GLE1: variants seen among roughly 807,000 people sequenced by gnomAD.
The protein encoded by GLE1 is mRNA export factor GLE1.
GLE1 carries 78 observed loss-of-function variants against 97.3 expected under a neutral mutation model. The observed-to-expected ratio is 0.80, with a 90% CI of 0.67 to 0.97. GLE1 has a LOEUF of 0.97. GLE1 is among the 50% of genes least tolerant of loss of function. The pLI is 0.00. For synonymous variants in GLE1, 302 were observed against 313.4 expected (o/e 0.96, Z 0.39); for missense variants, 753 against 857.5 (o/e 0.88, Z 1.52).
rs763257279 is a variant in GLE1 at position 128,504,790 on chromosome 9, T to C, written c.-16T>C. On this transcript the variant is annotated 5_prime_UTR_variant, in exon 1 of 16. Coordinates refer to ENST00000309971, the MANE Select transcript of GLE1 (RefSeq NM_001003722.2). ...GTCAGAAGGGGGGCGTCAGAGAAGC[T>C]GCCCCTTAGCCAACCATGCCGTCTG... The C allele has an allele frequency of 3.2e-6, 5 of 1,544,646 alleles. 1 individual carries two copies. Among genetic ancestry groups the C allele is most frequent in the Non-Finnish European group, 4.5e-6 (5 of 1,117,036 alleles).
intron 5 of GLE1, 113 bp downstream of exon 5, chr9:128,523,453 T>G: frequency 7.3e-7 from 1 of 1,377,378 alleles, no homozygotes; most frequent in Non-Finnish European, 1.0e-6. Flanking sequence ...ATTATGCCTG[T>G]GTATGACTAA....
At chr9:128,532,456 C>T (rs1847549117) in intron 9 of GLE1, among the ~76,000 whole-genome samples, 1 of 151,584 alleles carries the variant, frequency 6.6e-6, no homozygotes, top group South Asian at 2.1e-4. Context: ...GAACTCCTGA[C>T]CACAAGTGAT....
intron 3 of GLE1, among the ~76,000 whole-genome samples, chr9:128,518,303 G>T (rs1208725411): frequency 6.6e-6 from 1 of 152,164 alleles, no homozygotes; most frequent in Non-Finnish European, 1.5e-5. Context: ...GCTCACACCT[G>T]TAATCCCAGC....
chr9:128,521,171 T>TTCC (rs1395703006), intron 3 of GLE1, among the ~76,000 whole-genome samples: 2 of 152,184 alleles, frequency 1.3e-5, no homozygotes, highest in Non-Finnish European at 2.9e-5. Flanking sequence ...AATTCTCACT[T>TTCC]TAACAGAGTC....
At chr9:128,514,025 AAAAAAAAG>A (rs1395511353) in intron 2 of GLE1, among the ~76,000 whole-genome samples, 2 of 150,928 alleles carry the variant, frequency 1.3e-5, no homozygotes, top group East Asian at 3.9e-4. Context: ...CTCAAAAAAA[AAAAAAAAG>A]AAAAAGAAAA....
chr9:128,540,179 G>A (rs529937675), intron 14 of GLE1, 96 bp from the exon 15 acceptor site: 15 of 851,634 alleles, frequency 1.8e-5, no homozygotes, highest in African/African-American at 8.3e-5. Flanking sequence ...TCGCACCACC[G>A]CGCTGCACTC....
intron 11 of GLE1, among the ~76,000 whole-genome samples, chr9:128,534,385 A>G (rs1474530600): frequency 1.4e-5 from 2 of 142,546 alleles, no homozygotes; most frequent in African/African-American, 5.0e-5. Flanking sequence ...GAAAGAAAAA[A>G]TATATATACA....
chr9:128,515,301 A>C (rs1417531152), intron 2 of GLE1, among the ~76,000 whole-genome samples: 2 of 152,316 alleles, frequency 1.3e-5, no homozygotes, highest in African/African-American at 4.8e-5. Flanking sequence ...AGAAAAACCC[A>C]AAAAATCACC....
intron 11 of GLE1, among the ~76,000 whole-genome samples, chr9:128,534,739 G>T (rs577125442): frequency 7.3e-4 from 110 of 150,016 alleles, no homozygotes; most frequent in African/African-American, 2.3e-3. Context: ...TTTTTTTTGA[G>T]ACAGCGTCTC....
At chr9:128,520,044 G>C (rs1847094858) in intron 3 of GLE1, among the ~76,000 whole-genome samples, 1 of 152,110 alleles carries the variant, frequency 6.6e-6, no homozygotes, top group Non-Finnish European at 1.5e-5. Context: ...AAGGTCAAGA[G>C]ATCGAGACCA....
At chr9:128,531,742 G>A (rs527504769) in intron 9 of GLE1, among the ~76,000 whole-genome samples, 6 of 140,660 alleles carry the variant, frequency 4.3e-5, no homozygotes, top group East Asian at 2.2e-4. Context: ...TGAGGTGGAA[G>A]AATCACTTGA....
At chr9:128,530,988 G>A (rs976215581) in intron 9 of GLE1, among the ~76,000 whole-genome samples, 11 of 151,364 alleles carry the variant, frequency 7.3e-5, no homozygotes, top group East Asian at 3.9e-4. Context: ...AGGCTGAGGC[G>A]GGTGGATCAC....
intron 3 of GLE1, among the ~76,000 whole-genome samples, chr9:128,520,198 C>T (rs955534483): frequency 4.6e-5 from 7 of 151,602 alleles, no homozygotes; most frequent in South Asian, 2.1e-4. Flanking sequence ...TGCAGTGAGC[C>T]GAGATGGTGC....
At chr9:128,515,784 AGTGAGTGC>A in intron 3 of GLE1, 145 bp downstream of exon 3, 2 of 677,272 alleles carry the variant, frequency 3.0e-6, no homozygotes, top group Non-Finnish European at 5.4e-6. Context: ...AGAGGTCAGG[AGTGAGTGC>A]TCTGAAGTCA....
intron 11 of GLE1, among the ~76,000 whole-genome samples, chr9:128,535,736 G>T (rs1269518646): frequency 6.6e-6 from 1 of 151,978 alleles, no homozygotes; most frequent in Non-Finnish European, 1.5e-5. Flanking sequence ...CAGAAGAATC[G>T]CTTGAACCCG....
intron 3 of GLE1, among the ~76,000 whole-genome samples, chr9:128,520,667 G>A (rs1203470301): frequency 5.3e-5 from 8 of 151,594 alleles, no homozygotes; most frequent in Admixed American, 4.6e-4. Context: ...GCTCCCGTGA[G>A]GCATCGTCTG....
chr9:128,509,216 T>A (rs1414983566), intron 2 of GLE1, 119 bp downstream of exon 2: 2 of 729,160 alleles, frequency 2.7e-6, no homozygotes, highest in African/African-American at 3.5e-5. Context: ...TTGTTGTAGC[T>A]GTTGTAGAGA....
intron 4 of GLE1, 121 bp from the exon 5 acceptor site, chr9:128,523,159 C>A (rs1171252068): frequency 2.4e-6 from 2 of 824,320 alleles, no homozygotes; most frequent in African/African-American, 3.4e-5. Context: ...ATAACGAGAC[C>A]CCATCTCTAA....
chr9:128,523,515 C>T lies in GLE1; in HGVS notation c.643-77C>T, dbSNP rs1228848599. 5.1e-6 allele frequency: 8 copies of T among 1,560,382 alleles called. No homozygotes were observed. The Admixed American group carries it at 1.2e-4, about 23-fold the overall frequency. ...AGCCCATCTGTGAAAATATGTAGCC[C>T]ACGTAGAATTTGAGGACTGTAGAAA... On this transcript the variant is annotated intron_variant, in intron 5 of 15. Coordinates refer to ENST00000309971, the MANE Select transcript of GLE1 (RefSeq NM_001003722.2).
Sources: gnomAD v4.1 joint callset for allele counts (sites outside exome capture counted in the v4.1 genomes callset) on GRCh38, gnomAD v4.1.1 for gene constraint, MANE v1.5 for transcripts, NCBI Gene and HGNC (gene_info 2026-07-23, HGNC 2026-07-21) for gene names.